AGBL3: variants seen among roughly 807,000 people sequenced by gnomAD.
AGBL3 encodes the protein cytosolic carboxypeptidase 3.
A neutral mutation model predicts 94.5 loss-of-function variants in AGBL3; 68 were observed. The ratio of observed to expected loss-of-function variants is 0.72; its 90% CI spans 0.59 to 0.88. AGBL3 has a LOEUF of 0.88. Among genes scored for constraint, AGBL3 ranks in the 40% least tolerant of loss-of-function variants. The pLI, the probability that AGBL3 is intolerant of heterozygous loss-of-function variation, is 0.00. For missense variants in AGBL3, 934 were observed against 1,103.8 expected, an observed-to-expected ratio of 0.85 and a Z score of 2.18; for synonymous variants, 354 against 370.7, an observed-to-expected ratio of 0.95 and a Z score of 0.52.
At chr7:135,048,290 C>T (rs1264343143) in intron 11 of AGBL3, among the ~76,000 whole-genome samples, 1 of 151,762 alleles carries the variant, frequency 6.6e-6, no homozygotes, top group Admixed American at 6.6e-5. Context: ...TGATGACTCT[C>T]GCTTTGTTCT....
chr7:135,096,966 G>T (rs1448085476), intron 15 of AGBL3, among the ~76,000 whole-genome samples: 1 of 152,124 alleles, frequency 6.6e-6, no homozygotes, highest in Non-Finnish European at 1.5e-5. Context: ...TGAATCTCAG[G>T]AGTCCTGGAA....
Position 135,080,208 on chromosome 7 carries a change from T to C in AGBL3, c.1986T>C (p.Tyr662=). The change falls in exon 14 of 17, where the codon TAT becomes TAC. Residue 662 remains tyrosine, a synonymous_variant. Coordinates refer to ENST00000436302, the MANE Select transcript of AGBL3 (RefSeq NM_178563.4). ...TTGATTCTACATTCCATTAGGTTTA[T>C]GATAGAGGGCATTTGCTGCAAAGAC... is the stretch of plus-strand genomic sequence containing the variant. ...SHQNARGQEV[Y]DRGHLLQRHT... The C allele has an allele frequency of 5.2e-6, 8 of 1,547,416 alleles. No homozygotes were observed. The highest frequency in any genetic ancestry group is 7.0e-6 in the Non-Finnish European group (8 of 1,143,450).
chr7:135,057,813 A>G (rs1818469858), intron 11 of AGBL3, among the ~76,000 whole-genome samples: 1 of 152,224 alleles, frequency 6.6e-6, no homozygotes, highest in South Asian at 2.1e-4. Flanking sequence ...CTATCAAACC[A>G]TAAAAATATA....
At chr7:135,043,962 T>C (rs1253594787) in intron 8 of AGBL3, 63 bp from the exon 9 acceptor site, 8 of 1,508,772 alleles carry the variant, frequency 5.3e-6, no homozygotes, top group African/African-American at 1.4e-5. Flanking sequence ...TTTTTAATAC[T>C]ACTTTCAAAA....
At chr7:135,058,266 A>C (rs985375421) in intron 11 of AGBL3, among the ~76,000 whole-genome samples, 1 of 152,116 alleles carries the variant, frequency 6.6e-6, no homozygotes, top group Non-Finnish European at 1.5e-5. Flanking sequence ...TAAAAACATA[A>C]ATTATATTAA....
chr7:135,059,926 T>C (rs1435204557), intron 12 of AGBL3, among the ~76,000 whole-genome samples: 1 of 152,230 alleles, frequency 6.6e-6, no homozygotes, highest in East Asian at 1.9e-4. Flanking sequence ...ACTTTTATTT[T>C]CTCACTCATG....
chr7:135,002,495 C>G (rs1811841465), intron 4 of AGBL3, among the ~76,000 whole-genome samples: 1 of 152,134 alleles, frequency 6.6e-6, no homozygotes, highest in Admixed American at 6.5e-5. Context: ...TCCCCCGCCT[C>G]TCCATCCAAA....
In AGBL3 at chr7:135,135,251, G is replaced by T; in HGVS notation, c.2753G>T (p.Arg918Met). The T allele has an allele frequency of 6.6e-7, 1 of 1,518,948 alleles. No homozygotes were observed. Among genetic ancestry groups the T allele is most frequent in the Non-Finnish European group, 8.8e-7 (1 of 1,133,042 alleles). 94.1% of individuals were successfully genotyped at this position (1,518,948 alleles called of 1,614,324 possible). The part of the protein sequence containing the change: ...GQPTLYLKFQ[R>M]ES ...CCCACCTTATATCTGAAGTTCCAAA[G>T]GGAGAGTTAATCTAGCTTTATACTG... Residue 918 changes from arginine to methionine, a missense_variant, in exon 17 of 17, where the codon AGG (arginine) becomes ATG (methionine). By Grantham distance (91) the Arg-to-Met change is moderately conservative. Transcript: ENST00000436302.
In AGBL3 at chr7:135,129,732, C is replaced by T. The variant is rs536985261; in HGVS notation, c.2343-5109C>T. 36 of 723,342 alleles carry T rather than the reference C, an allele frequency of 5.0e-5. No homozygotes were observed. The East Asian group carries it at 8.6e-4, about 17-fold the overall frequency. The allele number at this position is 723,342 out of a possible 1,614,324, so 44.8% of individuals were successfully genotyped here. On this transcript the variant is annotated intron_variant, in intron 16 of 16. Transcript: ENST00000436302. ...AGATATGGAAGTGGATTGGTTTTCC[C>T]TAATCTTTTGTCAAGTACACAAAGT... is the stretch of plus-strand genomic sequence containing the variant.
chr7:135,066,979 T>C lies in AGBL3; in HGVS notation c.1908+7744T>C, dbSNP rs547298541. ...AAGTACAAGGGGTCAGGGAATTCCCTTTCCTAGTCAAAGAAAGGGGTGACA... is the reference window on the plus strand; with the variant it reads ...AAGTACAAGGGGTCAGGGAATTCCCCTTCCTAGTCAAAGAAAGGGGTGACA... On this transcript the variant is annotated intron_variant, in intron 12 of 16. Coordinates refer to ENST00000436302, the MANE Select transcript of AGBL3 (RefSeq NM_178563.4). Among the ~76,000 whole-genome samples, 9 of 152,330 alleles carry C rather than the reference T, an allele frequency of 5.9e-5. No individual in the cohort carries two copies. In the South Asian group the frequency reaches 1.9e-3, roughly 32 times the overall value.
chr7:135,016,525 T>C (rs908350729), intron 4 of AGBL3, among the ~76,000 whole-genome samples: 2 of 150,812 alleles, frequency 1.3e-5, no homozygotes, highest in African/African-American at 4.9e-5. Flanking sequence ...GACCTGAGAA[T>C]AGTGCAGATG....
At position 134,989,449 on chromosome 7, in the gene AGBL3, T is replaced by C. The variant is rs534295406; in HGVS notation, c.124+139T>C. 264 of 592,102 alleles carry C rather than the reference T, an allele frequency of 4.5e-4. 4 individuals are homozygous for C. In the African/African-American group the frequency reaches 4.6e-3, roughly 10 times the overall value. The allele number at this position is 592,102 out of a possible 1,614,324, so 36.7% of individuals were successfully genotyped here. A position where few individuals can be genotyped will look rare whatever the true frequency, so the allele number is the denominator to read the frequency against. On this transcript the variant is annotated intron_variant, in intron 3 of 16. Coordinates refer to ENST00000436302, the MANE Select transcript of AGBL3 (RefSeq NM_178563.4). ...GATTGTGAAAGAGAACTGTATCTAC[T>C]TGCAGAGTTCAAACTTTTCAGGTTT... is the stretch of plus-strand genomic sequence containing the variant.
chr7:135,056,317 T>G (rs1158471597), intron 11 of AGBL3, among the ~76,000 whole-genome samples: 2 of 152,126 alleles, frequency 1.3e-5, no homozygotes, highest in Admixed American at 6.6e-5. Flanking sequence ...TCTGATTTCC[T>G]AATGTGGACA....
At chr7:135,043,123 T>C (rs1297613127) in intron 8 of AGBL3, among the ~76,000 whole-genome samples, 1 of 152,150 alleles carries the variant, frequency 6.6e-6, no homozygotes, top group East Asian at 1.9e-4. Context: ...ATTGAATCCC[T>C]TCCTATAACT....
intron 15 of AGBL3, among the ~76,000 whole-genome samples, chr7:135,105,183 C>T (rs960031544): frequency 6.7e-6 from 1 of 149,056 alleles, no homozygotes; most frequent in South Asian, 2.1e-4. Context: ...GATTCTCTTG[C>T]CTCAGCCTCC....
intron 12 of AGBL3, among the ~76,000 whole-genome samples, chr7:135,064,274 G>C (rs1819089101): frequency 6.6e-6 from 1 of 152,232 alleles, no homozygotes. Flanking sequence ...AGCTAATGTG[G>C]CTAGAGAAGA....
At chr7:135,051,010 C>T in intron 11 of AGBL3, 1 of 430,140 alleles carries the variant, frequency 2.3e-6, no homozygotes, top group Non-Finnish European at 4.6e-6. Context: ...CTAATGCTGT[C>T]ACTACCCACA....
At chr7:135,134,744 TA>T in intron 16 of AGBL3, 96 bp from the exon 17 acceptor site, 1 of 1,177,912 alleles carries the variant, frequency 8.5e-7, no homozygotes, top group East Asian at 2.6e-5. Context: ...ATGAACTTAC[TA>T]AAAGGAAAAA....
At chr7:135,067,787 GA>G (rs1263163759) in intron 12 of AGBL3, among the ~76,000 whole-genome samples, 2 of 152,236 alleles carry the variant, frequency 1.3e-5, no homozygotes, top group African/African-American at 4.8e-5. Context: ...CAAAGATGGG[GA>G]AAAAACAGAG....
Sources: allele counts gnomAD v4.1 joint callset (sites outside exome capture counted in the v4.1 genomes callset), GRCh38; gene constraint gnomAD v4.1.1; transcripts MANE v1.5; gene names NCBI Gene and HGNC (gene_info 2026-07-23, HGNC 2026-07-21).